ADCY2: variants seen among roughly 807,000 people sequenced by gnomAD.
ADCY2 encodes adenylate cyclase type 2.
A neutral mutation model predicts 125.2 loss-of-function variants in ADCY2; 31 were observed. That is an observed-to-expected ratio of 0.25 (90% CI 0.19 to 0.33). The LOEUF (loss-of-function observed/expected upper bound fraction) is 0.33, where lower values mean the gene tolerates loss of function less well. Ranked by LOEUF, ADCY2 falls within the 10% of genes least tolerant of loss-of-function variation. The pLI, the probability that ADCY2 is intolerant of heterozygous loss-of-function variation, is 1.00. For synonymous variants in ADCY2, 512 were observed against 548.4 expected, an observed-to-expected ratio of 0.93 and a Z score of 0.93; for missense variants, 904 against 1,418.2, an observed-to-expected ratio of 0.64 and a Z score of 5.82.
Position 7,804,040 on chromosome 5 carries a change from A to AAGAGAGAG in ADCY2, c.2776-518_2776-511dup, listed in dbSNP as rs57193249. Among the ~76,000 whole-genome samples, 136 of 106,610 alleles carry AAGAGAGAG rather than the reference A, an allele frequency of 1.3e-3. 9 individuals are homozygous for AAGAGAGAG. The highest frequency in any genetic ancestry group is 2.7e-3 in the South Asian group (8 of 2,924). 69.9% of individuals were successfully genotyped at this position (106,610 alleles called of 152,430 possible). On this transcript the variant is annotated intron_variant, in intron 21 of 24. Coordinates refer to ENST00000338316, the MANE Select transcript of ADCY2 (RefSeq NM_020546.3). ...TCTTAGGCCTCCCATGGAGGGGGGA[A>AAGAGAGAG]AGAGAGAGAGAGAGAGAGAGAGAGA...
intron 14 of ADCY2, 127 bp from the exon 15 acceptor site, chr5:7,743,540 CA>C: frequency 1.2e-6 from 1 of 816,570 alleles, no homozygotes; most frequent in Non-Finnish European, 2.0e-6. Flanking sequence ...TTTTATTTCT[CA>C]AAAATTTAGT....
rs1490785230 is a variant in ADCY2, at chr5:7,808,043, A to G, written c.2883+3351A>G. Among the ~76,000 whole-genome samples, 4 of 152,236 alleles carry G rather than the reference A, an allele frequency of 2.6e-5. No homozygotes were observed. The East Asian group carries it at 7.7e-4, about 29-fold the overall frequency. On this transcript the variant is annotated intron_variant, in intron 22 of 24. Transcript: ENST00000338316. ...CCACTAGTTTACCGAGGTGATTCTG[A>G]TGCTCACAGAAGATGCCCTGCCTGG...
At chr5:7,507,610 T>G (rs1331583328) in intron 2 of ADCY2, among the ~76,000 whole-genome samples, 1 of 152,114 alleles carries the variant, frequency 6.6e-6, no homozygotes, top group Non-Finnish European at 1.5e-5. Flanking sequence ...TGATAAACAT[T>G]GCTTTACCTC....
chr5:7,492,645 G>A (rs1743203903), intron 2 of ADCY2, among the ~76,000 whole-genome samples: 1 of 151,748 alleles, frequency 6.6e-6, no homozygotes, highest in African/African-American at 2.4e-5. Flanking sequence ...TGGGGAGGAA[G>A]GTGGTGCCTT....
intron 3 of ADCY2, among the ~76,000 whole-genome samples, chr5:7,533,381 A>G (rs1042315786): frequency 3.9e-5 from 6 of 152,026 alleles, no homozygotes; most frequent in African/African-American, 1.2e-4. Context: ...TTGATTCATG[A>G]TTCATCTGGC....
chr5:7,760,156 G>A (rs1743147567), intron 16 of ADCY2, among the ~76,000 whole-genome samples: 1 of 152,266 alleles, frequency 6.6e-6, no homozygotes, highest in African/African-American at 2.4e-5. Context: ...AGAGAGAGAG[G>A]CAGGCAAGGG....
chr5:7,698,506 C>T, intron 7 of ADCY2, 132 bp downstream of exon 7: 2 of 931,426 alleles, frequency 2.1e-6, no homozygotes, highest in South Asian at 2.8e-5. Context: ...TCATCATTTA[C>T]ATTAGGTATT....
chr5:7,803,668 G>A (rs540589490), intron 21 of ADCY2, among the ~76,000 whole-genome samples: 1 of 152,186 alleles, frequency 6.6e-6, no homozygotes, highest in Admixed American at 6.5e-5. Flanking sequence ...GGTGGCCAAG[G>A]TGGGAGGATC....
chr5:7,471,261 T>C (rs1314058467), intron 2 of ADCY2, among the ~76,000 whole-genome samples: 1 of 151,996 alleles, frequency 6.6e-6, no homozygotes, highest in Non-Finnish European at 1.5e-5. Context: ...GACATAATTA[T>C]TGGAAAGGTT....
rs116230376 is a variant in ADCY2 at position 7,730,103 on chromosome 5, T to A, written c.1871+2842T>A. 6.8e-3 allele frequency among the ~76,000 whole-genome samples: 1,043 copies of A among 152,278 alleles called. 5 individuals carry two copies. Among genetic ancestry groups the A allele is most frequent in the Non-Finnish European group, 0.011 (731 of 68,018 alleles). On this transcript the variant is annotated intron_variant, in intron 14 of 24. Coordinates refer to ENST00000338316, the MANE Select transcript of ADCY2 (RefSeq NM_020546.3). ...TGTGTGCCTTTACATACCCACAGCT[T>A]AGCTACCATTTATAAGTGAGAACAT...
chr5:7,748,895 A>G (rs12187226), intron 15 of ADCY2, among the ~76,000 whole-genome samples: 48,706 of 152,066 alleles, frequency 0.32, 9,542 homozygotes, highest in Non-Finnish European at 0.44. Context: ...CACAGATGCT[A>G]CATAACTTGC....
chr5:7,730,738 A>G (rs1324400892), intron 14 of ADCY2, among the ~76,000 whole-genome samples: 1 of 152,126 alleles, frequency 6.6e-6, no homozygotes, highest in Non-Finnish European at 1.5e-5. Flanking sequence ...TATTTTTGTT[A>G]ATGAAGTATT....
At chr5:7,456,016 C>T (rs1018566278) in intron 2 of ADCY2, among the ~76,000 whole-genome samples, 4 of 150,886 alleles carry the variant, frequency 2.7e-5, no homozygotes, top group Non-Finnish European at 4.4e-5. Flanking sequence ...CTGCCACTTT[C>T]ATCTTTAAGA....
intron 14 of ADCY2, 140 bp downstream of exon 14, chr5:7,727,401 G>A (rs1469065343): frequency 3.0e-6 from 2 of 659,792 alleles, no homozygotes; most frequent in African/African-American, 3.7e-5. Context: ...GAGTAACCCA[G>A]GACCTCGGAG....
chr5:7,563,804 G>A (rs1437268302), intron 3 of ADCY2, among the ~76,000 whole-genome samples: 1 of 152,110 alleles, frequency 6.6e-6, no homozygotes, highest in African/African-American at 2.4e-5. Context: ...ATGTCCTAAG[G>A]TTTAGAGGAG....
At chr5:7,517,934 T>C (rs1215183833) in intron 2 of ADCY2, among the ~76,000 whole-genome samples, 1 of 152,238 alleles carries the variant, frequency 6.6e-6, no homozygotes, top group Non-Finnish European at 1.5e-5. Context: ...TTTGTAATTG[T>C]CAACTCTGGT....
chr5:7,622,654 A>C (rs983434342), intron 3 of ADCY2, among the ~76,000 whole-genome samples: 1 of 152,244 alleles, frequency 6.6e-6, no homozygotes, highest in East Asian at 1.9e-4. Context: ...GCAGTTGGAG[A>C]GCATTGGCTG....
At chr5:7,430,487 A>C (rs1253357321) in intron 2 of ADCY2, among the ~76,000 whole-genome samples, 1 of 148,710 alleles carries the variant, frequency 6.7e-6, no homozygotes, top group Non-Finnish European at 1.5e-5. Context: ...TACCACATTT[A>C]ATCTAGTAAC....
At chr5:7,755,271 C>CA (rs1463117497) in intron 15 of ADCY2, among the ~76,000 whole-genome samples, 1 of 152,132 alleles carries the variant, frequency 6.6e-6, no homozygotes, top group Non-Finnish European at 1.5e-5. Context: ...GGTAGGTACT[C>CA]AGAGAAATGA....
Sources: allele counts gnomAD v4.1 joint callset (sites outside exome capture counted in the v4.1 genomes callset), GRCh38; gene constraint gnomAD v4.1.1; transcripts MANE v1.5; gene names NCBI Gene and HGNC (gene_info 2026-07-23, HGNC 2026-07-21).